LMNB2: variants seen among roughly 807,000 people sequenced by gnomAD.
LMNB2 encodes the protein lamin B2.
A neutral mutation model predicts 69.3 loss-of-function variants in LMNB2; 17 were observed. The observed-to-expected ratio is 0.25, with a 90% CI of 0.17 to 0.37. The LOEUF (loss-of-function observed/expected upper bound fraction) is 0.37, where lower values mean the gene tolerates loss of function less well. LMNB2 is among the 10% of genes least tolerant of loss of function. The probability of loss-of-function intolerance (pLI) is 1.00; values close to 1 mark genes in which losing one functional copy is unlikely to be tolerated. For missense variants in LMNB2, 789 were observed against 883.6 expected (o/e 0.89, Z 1.36); for synonymous variants, 397 against 389.3 (o/e 1.02, Z -0.23).
At chr19:2,456,540 C>T in intron 1 of LMNB2, 130 bp downstream of exon 1, 1 of 1,026,614 alleles carries the variant, frequency 9.7e-7, no homozygotes, top group East Asian at 3.8e-5. Context: ...CCCGAAACCC[C>T]GCGGAAACCC....
intron 4 of LMNB2, among the ~76,000 whole-genome samples, chr19:2,437,696 A>G (rs1202620659): frequency 6.6e-6 from 1 of 151,652 alleles, no homozygotes; most frequent in Non-Finnish European, 1.5e-5. Flanking sequence ...GCTACTCGGG[A>G]GGCTGAGGCA....
At chr19:2,456,446 C>T (rs1472322262) in intron 1 of LMNB2, among the ~76,000 whole-genome samples, 1 of 150,764 alleles carries the variant, frequency 6.6e-6, no homozygotes, top group Non-Finnish European at 1.5e-5. Flanking sequence ...CCGGGCCCGT[C>T]CCTGTCTGCA....
At chr19:2,440,258 T>G (rs1164383891) in intron 2 of LMNB2, among the ~76,000 whole-genome samples, 1 of 151,662 alleles carries the variant, frequency 6.6e-6, no homozygotes, top group African/African-American at 2.4e-5. Context: ...TGGTGCGATC[T>G]CGGTTCACTG....
At chr19:2,456,208 G>A (rs1972086243) in intron 1 of LMNB2, among the ~76,000 whole-genome samples, 1 of 149,466 alleles carries the variant, frequency 6.7e-6, no homozygotes. Context: ...CTGCATCCCA[G>A]CTCAGGGTTC....
Position 2,431,779 on chromosome 19 carries a change from C to A in LMNB2, c.1710+4G>T. The A allele has an allele frequency of 6.2e-7, 1 of 1,613,884 alleles. No individual in the cohort carries two copies. The highest frequency in any genetic ancestry group is 8.5e-7 in the Non-Finnish European group (1 of 1,179,904). ...CGAGCACCCCCCAAGCCACACACACCCACCTCGCCATCCGCGTTAACCAGG... is the reference window on the plus strand; with the variant it reads ...CGAGCACCCCCCAAGCCACACACACACACCTCGCCATCCGCGTTAACCAGG... On this transcript the variant is annotated splice_donor_region_variant and intron_variant, in intron 10 of 11. Coordinates refer to ENST00000325327, the MANE Select transcript of LMNB2 (RefSeq NM_032737.4).
At chr19:2,438,570 G>T (rs1474640048) in intron 2 of LMNB2, 39 bp from the exon 3 acceptor site, 1 of 1,598,624 alleles carries the variant, frequency 6.3e-7, no homozygotes. Context: ...GAGGGGCAAG[G>T]TCCATGGGGC....
At chr19:2,436,242 C>T (rs1481983771) in intron 4 of LMNB2, among the ~76,000 whole-genome samples, 1 of 152,140 alleles carries the variant, frequency 6.6e-6, no homozygotes, top group African/African-American at 2.4e-5. Flanking sequence ...GAGATCATGC[C>T]ACCGTACTCC....
At chr19:2,431,686 T>C in intron 10 of LMNB2, 28 bp from the exon 11 acceptor site, 1 of 1,613,980 alleles carries the variant, frequency 6.2e-7, no homozygotes. Flanking sequence ...CGGCGGCATG[T>C]CCCGGGATCG....
At chr19:2,451,195 G>A (rs2071621499) in intron 1 of LMNB2, among the ~76,000 whole-genome samples, 1 of 152,194 alleles carries the variant, frequency 6.6e-6, no homozygotes, top group African/African-American at 2.4e-5. Flanking sequence ...GTTGAAGTGA[G>A]CGGAGATTGT....
In LMNB2 at chr19:2,428,485, G is replaced by C. The variant is rs1162268420; in HGVS notation, c.*2426C>G. The C allele has an allele frequency of 2.0e-5, 3 of 152,296 alleles. No homozygotes were observed. The highest frequency in any genetic ancestry group is 7.2e-5 in the African/African-American group (3 of 41,470). 9.4% of individuals were successfully genotyped at this position (152,296 alleles called of 1,614,324 possible). A position where few individuals can be genotyped will look rare whatever the true frequency, so the allele number is the denominator to read the frequency against. ...CCCCAGCCAAAGCCGCTGGCATGAG[G>C]ACAGGTGCATGATCGGATTCTGGGT... On this transcript the variant is annotated 3_prime_UTR_variant, in exon 12 of 12. Transcript: ENST00000325327.
At chr19:2,442,511 G>A (rs936587911) in intron 2 of LMNB2, among the ~76,000 whole-genome samples, 5 of 152,192 alleles carry the variant, frequency 3.3e-5, no homozygotes, top group Non-Finnish European at 7.3e-5. Flanking sequence ...GGATGTTGCA[G>A]TGAGCCGAGA....
chr19:2,444,576 C>T (rs766846006), intron 1 of LMNB2, 36 bp from the exon 2 acceptor site: 3 of 1,602,328 alleles, frequency 1.9e-6, no homozygotes, highest in Middle Eastern at 1.7e-4. Flanking sequence ...GCGAGAGGGA[C>T]CCTTCCCCTT....
rs1971693870 is a variant in LMNB2 at position 2,428,654 on chromosome 19, G to A, written c.*2257C>T. Reference sequence around the variant, plus strand: ...TGGCGTCTGATGCTTCGCAGGGAGGGCGCTAGGCTTCGAGTCACACGGCAC... The same window carrying A: ...TGGCGTCTGATGCTTCGCAGGGAGGACGCTAGGCTTCGAGTCACACGGCAC... On this transcript the variant is annotated 3_prime_UTR_variant, in exon 12 of 12. Coordinates refer to ENST00000325327, the MANE Select transcript of LMNB2 (RefSeq NM_032737.4). The A allele has an allele frequency of 6.6e-6, 1 of 152,322 alleles. No homozygotes were observed. Among genetic ancestry groups the A allele is most frequent in the African/African-American group, 2.4e-5 (1 of 41,466 alleles). The allele number at this position is 152,322 out of a possible 1,614,324, so 9.4% of individuals were successfully genotyped here. A position where few individuals can be genotyped will look rare whatever the true frequency, so the allele number is the denominator to read the frequency against.
rs987357005 is a variant in LMNB2 at position 2,444,344 on chromosome 19, C to G, written c.401+60G>C. ...CCGCACGAGCCCAGCGCCCACCTGC[C>G]CCCGTCCACCCCGTGGTGCCAGGAT... On this transcript the variant is annotated intron_variant, in intron 2 of 11. Transcript: ENST00000325327. 8 of 1,603,654 alleles carry G rather than the reference C, an allele frequency of 5.0e-6. No individual in the cohort carries two copies. The African/African-American group carries it at 8.0e-5, about 16-fold the overall frequency.
chr19:2,453,437 T>C lies in LMNB2; in HGVS notation c.264+3233A>G, dbSNP rs1972052092. 6.6e-6 allele frequency among the ~76,000 whole-genome samples: 1 copy of C among 151,588 alleles called. No individual in the cohort carries two copies. Among genetic ancestry groups the C allele is most frequent in the South Asian group, 2.1e-4 (1 of 4,776 alleles). On this transcript the variant is annotated intron_variant, in intron 1 of 11. Coordinates refer to ENST00000325327, the MANE Select transcript of LMNB2 (RefSeq NM_032737.4). This position sits in a 1 kb window ranked among gnomAD's most constrained non-coding sequence, Gnocchi z 4.4. ...GCTATTCCAGGTCACTCCCTCCATG[T>C]GGGCCCACATGACGTCCCCCCACCA...
In LMNB2 at chr19:2,445,709, A is replaced by G. The variant is rs1971947536; in HGVS notation, c.265-1169T>C. Among the ~76,000 whole-genome samples, 3 of 85,962 alleles carry G rather than the reference A, an allele frequency of 3.5e-5. No homozygotes were observed. In the Admixed American group the frequency reaches 3.9e-4, roughly 11 times the overall value. The allele number at this position is 85,962 out of a possible 152,430, so 56.4% of individuals were successfully genotyped here. A position where few individuals can be genotyped will look rare whatever the true frequency, so the allele number is the denominator to read the frequency against. ...TCACCCCTCGATCACAGGGATCTGC[A>G]GTCAGAGTCCCCAGCTCCCCACCCC... On this transcript the variant is annotated intron_variant, in intron 1 of 11. Coordinates refer to ENST00000325327, the MANE Select transcript of LMNB2 (RefSeq NM_032737.4).
chr19:2,434,972 G>A (rs759008645), intron 5 of LMNB2, 29 bp downstream of exon 5: 17 of 1,038,030 alleles, frequency 1.6e-5, no homozygotes, highest in Admixed American at 1.3e-4. Context: ...CCCACCGGCC[G>A]CCCCCGCCCA....
At chr19:2,455,772 G>T (rs894559289) in intron 1 of LMNB2, among the ~76,000 whole-genome samples, 13 of 152,098 alleles carry the variant, frequency 8.5e-5, no homozygotes, top group African/African-American at 3.1e-4. Flanking sequence ...GGAAACTGCG[G>T]TGGGCAGGGC....
rs946993329 is a variant in LMNB2 at position 2,438,280 on chromosome 19, G to A, written c.567C>T (p.Asp189=). 19 of 1,613,838 alleles carry A rather than the reference G, an allele frequency of 1.2e-5. No individual in the cohort carries two copies. Among genetic ancestry groups the A allele is most frequent in the Admixed American group, 5.0e-5 (3 of 60,004 alleles). The change falls in exon 4 of 12, where the codon GAC becomes GAT. Residue 189 remains aspartate, a synonymous_variant. Transcript: ENST00000325327. ...GCTGCTTTTTGGCCACTGCATGACC[G>A]TCCTCGGCCTGGGAGACACAGGACA... ...ELRAQLAKAE[D]GHAVAKKQLE...
Sources: gnomAD v4.1 joint callset for allele counts (sites outside exome capture counted in the v4.1 genomes callset) on GRCh38, gnomAD v4.1.1 for gene constraint, Gnocchi (gnomAD v3.1) non-coding constraint, MANE v1.5 for transcripts, NCBI Gene and HGNC (gene_info 2026-07-23, HGNC 2026-07-21) for gene names.